The following CNTN4 variants were observed in gnomAD, a reference collection of about 807,000 sequenced individuals.
CNTN4 encodes contactin-4.
In CNTN4, 77 loss-of-function variants were observed where a neutral mutation model predicts 122.5. That is an observed-to-expected ratio of 0.63 (90% CI 0.52 to 0.76). The LOEUF is 0.76. CNTN4 is among the 30% of genes least tolerant of loss of function. The pLI is 0.00. For missense variants in CNTN4, 1,256 were observed against 1,259.1 expected, an observed-to-expected ratio of 1.00 and a Z score of 0.04; for synonymous variants, 512 against 447.0, an observed-to-expected ratio of 1.15 and a Z score of -1.83.
chr3:2,551,847 C>A (rs1328654518), intron 3 of CNTN4, among the ~76,000 whole-genome samples: 2 of 151,796 alleles, frequency 1.3e-5, no homozygotes, highest in East Asian at 1.9e-4. Context: ...AGGTTTTTTT[C>A]TTTAGTTATT....
chr3:2,585,715 C>T (rs2080167418), intron 4 of CNTN4, among the ~76,000 whole-genome samples: 2 of 151,332 alleles, frequency 1.3e-5, no homozygotes, highest in Admixed American at 1.3e-4. Context: ...GTAGGGATAG[C>T]ATTAGGAGAT....
At chr3:2,532,900 A>G (rs1011930781) in intron 3 of CNTN4, among the ~76,000 whole-genome samples, 6 of 152,104 alleles carry the variant, frequency 3.9e-5, no homozygotes, top group Non-Finnish European at 8.8e-5. Context: ...ATTATATTTT[A>G]CTGAAAAACA....
rs1452871476 is a variant in CNTN4, at chr3:2,120,401, A to AT, written c.-145+19763dup. 7.2e-3 allele frequency among the ~76,000 whole-genome samples: 224 copies of AT among 31,300 alleles called. 2 individuals carry two copies. The highest frequency in any genetic ancestry group is 0.037 in the Middle Eastern group (2 of 54). The allele number at this position is 31,300 out of a possible 152,430, so 20.5% of individuals were successfully genotyped here. On this transcript the variant is annotated intron_variant, in intron 2 of 24. Transcript: ENST00000418658. ...TATATATATATATATATATATATAT[A>AT]TATATTTTTTTTTTTTTTTTTATGC... is the stretch of plus-strand genomic sequence containing the variant.
chr3:2,755,940 A>G (rs2090317971), intron 6 of CNTN4, among the ~76,000 whole-genome samples: 1 of 152,230 alleles, frequency 6.6e-6, no homozygotes, highest in Non-Finnish European at 1.5e-5. Flanking sequence ...TGAGTAATTC[A>G]GTCAACAAAT....
At chr3:2,785,225 T>G (rs945315237) in intron 6 of CNTN4, among the ~76,000 whole-genome samples, 12 of 152,144 alleles carry the variant, frequency 7.9e-5, no homozygotes, top group African/African-American at 2.7e-4. Flanking sequence ...CATGACCTTC[T>G]GCCTGCAAGG....
At chr3:2,733,682 C>T (rs1391892108) in intron 4 of CNTN4, among the ~76,000 whole-genome samples, 5 of 151,554 alleles carry the variant, frequency 3.3e-5, no homozygotes, top group South Asian at 2.1e-4. Context: ...TACAGGCACA[C>T]GCCACCATGC....
At position 2,963,286 on chromosome 3, in the gene CNTN4, G is replaced by A. The variant is rs544471693; in HGVS notation, c.1359-25059G>A. Among the ~76,000 whole-genome samples, 117 of 152,162 alleles carry A rather than the reference G, an allele frequency of 7.7e-4. 1 individual carries two copies. Among genetic ancestry groups the A allele is most frequent in the Admixed American group, 2.4e-3 (36 of 15,278 alleles). ...GACCTCGCTCGTATTACCTCTTACT[G>A]AGACTCAATTTCCCTTTTATAGATA... On this transcript the variant is annotated intron_variant, in intron 13 of 24. Transcript: ENST00000418658.
At chr3:2,856,582 CAG>C (rs151007176) in intron 7 of CNTN4, among the ~76,000 whole-genome samples, 27,593 of 152,124 alleles carry the variant, frequency 0.18, 2,646 homozygotes, top group South Asian at 0.22. Flanking sequence ...ATTTCAAAAA[CAG>C]AGCTCTCTGC....
chr3:2,286,241 C>CCG (rs1435212418), intron 2 of CNTN4, among the ~76,000 whole-genome samples: 2 of 139,074 alleles, frequency 1.4e-5, no homozygotes, highest in East Asian at 5.5e-4. Flanking sequence ...CCCCTGCCCC[C>CCG]CCCACAACAT....
intron 13 of CNTN4, among the ~76,000 whole-genome samples, chr3:2,981,597 C>A (rs903832800): frequency 1.3e-5 from 2 of 151,792 alleles, no homozygotes; most frequent in Non-Finnish European, 2.9e-5. Flanking sequence ...GTGGAAAAAC[C>A]GTTTTTCTAA....
chr3:2,907,221 T>A (rs779736491), intron 12 of CNTN4, among the ~76,000 whole-genome samples: 9 of 152,164 alleles, frequency 5.9e-5, no homozygotes, highest in Non-Finnish European at 1.0e-4. Flanking sequence ...TATGCTAGAA[T>A]CATGAGGATG....
chr3:2,324,061 T>C (rs1252830027), intron 2 of CNTN4, among the ~76,000 whole-genome samples: 5 of 152,224 alleles, frequency 3.3e-5, no homozygotes, highest in Non-Finnish European at 5.9e-5. Context: ...TTATCAGCAC[T>C]CCTGGCCTCT....
intron 7 of CNTN4, among the ~76,000 whole-genome samples, chr3:2,849,764 A>G (rs903350514): frequency 3.9e-5 from 6 of 152,224 alleles, no homozygotes; most frequent in Non-Finnish European, 5.9e-5. Context: ...GTTGTCTCCT[A>G]TGGCCAGCCA....
chr3:2,772,372 T>C (rs535708746), intron 6 of CNTN4, among the ~76,000 whole-genome samples: 25 of 151,396 alleles, frequency 1.7e-4, no homozygotes, highest in African/African-American at 5.6e-4. Flanking sequence ...ATCGTCAAGG[T>C]TCGTTGGATG....
intron 3 of CNTN4, among the ~76,000 whole-genome samples, chr3:2,432,060 C>T (rs1024383496): frequency 1.3e-5 from 2 of 152,226 alleles, no homozygotes; most frequent in African/African-American, 2.4e-5. Context: ...TCTCACTGCA[C>T]AAACAATGAG....
chr3:2,296,754 G>T, intron 2 of CNTN4, among the ~76,000 whole-genome samples: 1 of 149,808 alleles, frequency 6.7e-6, no homozygotes. Flanking sequence ...TATGCAACAG[G>T]TGTTTGTTTA....
chr3:2,853,408 C>T (rs2093580122), intron 7 of CNTN4, among the ~76,000 whole-genome samples: 1 of 152,082 alleles, frequency 6.6e-6, no homozygotes, highest in South Asian at 2.1e-4. Flanking sequence ...CCACGCCCAG[C>T]TCATTTTTGA....
At chr3:2,895,987 G>T (rs572059150) in intron 10 of CNTN4, among the ~76,000 whole-genome samples, 14 of 152,232 alleles carry the variant, frequency 9.2e-5, no homozygotes, top group Admixed American at 7.8e-4. Flanking sequence ...GAGCCAAGAT[G>T]GCGCCACCGC....
intron 6 of CNTN4, among the ~76,000 whole-genome samples, chr3:2,782,465 CTGTGTGTGTGTGTGTGTGTGTGTGTG>C (rs137927481): frequency 7.5e-6 from 1 of 133,212 alleles, no homozygotes; most frequent in African/African-American, 2.9e-5. Flanking sequence ...CCTTCTTATT[CTGTGTGTGTGTGTGTGTGTGTGTGTG>C]TGTGTGTGTG....
Sources: allele counts gnomAD v4.1 joint callset (sites outside exome capture counted in the v4.1 genomes callset), GRCh38; gene constraint gnomAD v4.1.1; transcripts MANE v1.5; gene names NCBI Gene and HGNC (gene_info 2026-07-23, HGNC 2026-07-21).